BTBD10: variants seen among roughly 807,000 people sequenced by gnomAD.
BTBD10 encodes the protein BTB/POZ domain-containing protein 10.
Under a neutral mutation model 53.2 loss-of-function variants are expected in BTBD10, and 21 were observed. The observed-to-expected ratio is 0.39, with a 90% CI of 0.28 to 0.57. The LOEUF is 0.57. BTBD10 is among the 20% of genes least tolerant of loss of function. The pLI, the probability that BTBD10 is intolerant of heterozygous loss-of-function variation, is 0.53. For synonymous variants in BTBD10, 149 were observed against 192.7 expected (o/e 0.77, Z 1.88); for missense variants, 360 against 594.7 (o/e 0.61, Z 4.10).
intron 2 of BTBD10, among the ~76,000 whole-genome samples, chr11:13,440,907 C>A (rs1376838410): frequency 1.3e-5 from 2 of 152,040 alleles, no homozygotes; most frequent in Non-Finnish European, 2.9e-5. Context: ...ATAGCAAAAG[C>A]TCCTCTAATT....
intron 8 of BTBD10, among the ~76,000 whole-genome samples, chr11:13,393,695 C>G (rs1383706350): frequency 6.6e-6 from 1 of 151,956 alleles, no homozygotes; most frequent in Admixed American, 6.6e-5. Context: ...CAAAGTCAAG[C>G]CCAATATCAT....
rs1166652359 is a variant in BTBD10 at position 13,445,157 on chromosome 11, A to C, written c.-33T>G. 2.0e-6 allele frequency: 3 copies of C among 1,503,234 alleles called. No individual in the cohort carries two copies. Among genetic ancestry groups the C allele is most frequent in the Non-Finnish European group, 2.8e-6 (3 of 1,079,878 alleles). 93.1% of individuals were successfully genotyped at this position (1,503,234 alleles called of 1,614,324 possible). ...CAAGCTTCCTCACACTACTGCTCTGAAAGCACACATGTAGCACCCATAACC... is the reference window on the plus strand; with the variant it reads ...CAAGCTTCCTCACACTACTGCTCTGCAAGCACACATGTAGCACCCATAACC... On this transcript the variant is annotated 5_prime_UTR_variant, in exon 2 of 9. Transcript: ENST00000278174.
intron 3 of BTBD10, among the ~76,000 whole-genome samples, chr11:13,421,229 T>C (rs1046839426): frequency 5.9e-5 from 9 of 152,210 alleles, no homozygotes; most frequent in Non-Finnish European, 2.9e-5. Flanking sequence ...AAATTTGAGA[T>C]AATGCCAAAA....
At chr11:13,459,276 T>A (rs1040148919) in intron 1 of BTBD10, among the ~76,000 whole-genome samples, 3 of 151,890 alleles carry the variant, frequency 2.0e-5, no homozygotes, top group Admixed American at 6.6e-5. Context: ...GCCGGGATGG[T>A]CTCGATCTCC....
intron 8 of BTBD10, among the ~76,000 whole-genome samples, chr11:13,391,500 C>T (rs746123133): frequency 6.6e-6 from 1 of 152,134 alleles, no homozygotes; most frequent in South Asian, 2.1e-4. Context: ...ATAATGAGTT[C>T]CTATATGGCT....
intron 2 of BTBD10, among the ~76,000 whole-genome samples, chr11:13,443,297 A>T (rs1427697574): frequency 1.3e-4 from 20 of 151,982 alleles, no homozygotes; most frequent in Admixed American, 1.3e-3. Context: ...CTGATGTTAC[A>T]GCTATCAAGA....
chr11:13,443,036 C>T (rs1312666974), intron 2 of BTBD10, among the ~76,000 whole-genome samples: 2 of 151,962 alleles, frequency 1.3e-5, no homozygotes, highest in Non-Finnish European at 2.9e-5. Context: ...TTCTATTTTA[C>T]TTTAATGTTT....
rs771896297 is a variant in BTBD10, at chr11:13,388,936, T to A, written c.1323A>T (p.Val441=). Residue 441 remains valine (V), a synonymous_variant, in exon 9 of 9, where the codon GTA becomes GTT. Coordinates refer to ENST00000278174, the MANE Select transcript of BTBD10 (RefSeq NM_032320.7). ...AAADIPQDQL[V]VMHPTPQVDE... ...CCACTTGTGGAGTTGGATGCATGAC[T>A]ACCAGCTGGTCCTGGGGAATGTCTG... 6.2e-7 allele frequency: 1 copy of A among 1,614,108 alleles called. No homozygotes were observed. Among genetic ancestry groups the A allele is most frequent in the African/African-American group, 1.3e-5 (1 of 74,940 alleles).
chr11:13,433,062 T>C (rs1950480708), intron 2 of BTBD10, among the ~76,000 whole-genome samples: 1 of 152,170 alleles, frequency 6.6e-6, no homozygotes, highest in African/African-American at 2.4e-5. Flanking sequence ...AAAGGCTATA[T>C]ATATGTTTTT....
At position 13,444,290 on chromosome 11, in the gene BTBD10, A is replaced by C. The variant is rs1272778541; in HGVS notation, c.101+734T>G. Among the ~76,000 whole-genome samples the C allele has an allele frequency of 2.6e-5, 4 of 151,506 alleles. No individual in the cohort carries two copies. In the South Asian group the frequency reaches 6.2e-4, roughly 24 times the overall value. The stretch of plus-strand genomic sequence containing the variant: ...GTAAGAAGAAATTTATATTCAAGTA[A>C]GTTAAATGCTCAATAATATCCCCTA... On this transcript the variant is annotated intron_variant, in intron 2 of 8. Transcript: ENST00000278174.
At chr11:13,459,224 T>C (rs1001339283) in intron 1 of BTBD10, among the ~76,000 whole-genome samples, 2 of 150,570 alleles carry the variant, frequency 1.3e-5, no homozygotes, top group African/African-American at 4.9e-5. Context: ...GCCCGGCTAA[T>C]TTTTTTTGTA....
rs930093263 is a variant in BTBD10 at position 13,459,042 on chromosome 11, A to T, written c.-58+4050T>A. On this transcript the variant is annotated intron_variant, in intron 1 of 8. Transcript: ENST00000278174. ...AGCATTAAAATTTATTTATTTATTT[A>T]TTTTTTTATTTATTTATTTTTTTTT... is the stretch of plus-strand genomic sequence containing the variant. Among the ~76,000 whole-genome samples the T allele has an allele frequency of 7.1e-4, 103 of 145,016 alleles. 1 individual carries two copies. Among genetic ancestry groups the T allele is most frequent in the South Asian group, 1.5e-3 (7 of 4,684 alleles).
intron 1 of BTBD10, among the ~76,000 whole-genome samples, chr11:13,457,188 A>T (rs1156648020): frequency 1.3e-5 from 2 of 152,076 alleles, no homozygotes; most frequent in Non-Finnish European, 2.9e-5. Flanking sequence ...ATAAATAAAT[A>T]AAATAAAAAG....
At chr11:13,415,301 A>C (rs1281706983) in intron 5 of BTBD10, among the ~76,000 whole-genome samples, 1 of 152,084 alleles carries the variant, frequency 6.6e-6, no homozygotes, top group Non-Finnish European at 1.5e-5. Context: ...AGGCTATATG[A>C]GCAAACAGCA....
chr11:13,419,897 T>A (rs876226), intron 3 of BTBD10, 152 bp from the exon 4 acceptor site: 364,332 of 725,304 alleles, frequency 0.5, 97,028 homozygotes, highest in South Asian at 0.61. Context: ...CAGAACACCA[T>A]AAACATTCAT....
chr11:13,414,020 A>G (rs1950029651), intron 5 of BTBD10, among the ~76,000 whole-genome samples: 1 of 152,182 alleles, frequency 6.6e-6, no homozygotes, highest in Admixed American at 6.5e-5. Context: ...AGTTTTAAAC[A>G]TTTTTTTAAA....
At chr11:13,451,289 T>C (rs1241128523) in intron 1 of BTBD10, among the ~76,000 whole-genome samples, 2 of 152,154 alleles carry the variant, frequency 1.3e-5, no homozygotes, top group African/African-American at 2.4e-5. Context: ...GCTGAATGTA[T>C]TCCCCAACTG....
intron 2 of BTBD10, among the ~76,000 whole-genome samples, chr11:13,430,934 G>A (rs1489529479): frequency 1.4e-5 from 2 of 147,858 alleles, no homozygotes; most frequent in Non-Finnish European, 3.0e-5. Context: ...TGATGTATAT[G>A]CTCATTATCC....
At chr11:13,434,541 G>A (rs1772555254) in intron 2 of BTBD10, among the ~76,000 whole-genome samples, 1 of 152,212 alleles carries the variant, frequency 6.6e-6, no homozygotes, top group African/African-American at 2.4e-5. Flanking sequence ...GTAGAGCTTA[G>A]TTAGGCAAGA....
Sources: gnomAD v4.1 joint callset for allele counts (sites outside exome capture counted in the v4.1 genomes callset) on GRCh38, gnomAD v4.1.1 for gene constraint, MANE v1.5 for transcripts, NCBI Gene and HGNC (gene_info 2026-07-23, HGNC 2026-07-21) for gene names.